The following ABCB11 variants were observed in gnomAD, a reference collection of about 807,000 sequenced individuals.
ABCB11 encodes the protein bile salt export pump.
ABCB11 carries 95 observed loss-of-function variants against 148.0 expected under a neutral mutation model. The observed-to-expected ratio is 0.64, with a 90% confidence interval of 0.54 to 0.76. The LOEUF (loss-of-function observed/expected upper bound fraction) is 0.76, where lower values mean the gene tolerates loss of function less well. ABCB11 is among the 30% of genes least tolerant of loss of function. ABCB11 has a pLI of 0.00. For synonymous variants in ABCB11, 591 were observed against 555.4 expected, an observed-to-expected ratio of 1.06 and a Z score of -0.90; for missense variants, 1,523 against 1,617.8, an observed-to-expected ratio of 0.94 and a Z score of 1.01.
At position 169,014,322 on chromosome 2, in the gene ABCB11, C is replaced by A; in HGVS notation, c.131G>T (p.Arg44Ile). ...TATTACCAATTGAAAGAAGCCAACT[C>A]TAACGCCATCACCTTTCTTCTCATC... ...LQDEKKGDGVRVGFFQLFRFS... is the reference protein window; with the variant it reads ...LQDEKKGDGVIVGFFQLFRFS... Residue 44 changes from arginine (R) to isoleucine (I), a missense_variant, in exon 4 of 28, where the codon AGA becomes ATA. Coordinates refer to ENST00000650372, the MANE Select transcript of ABCB11 (RefSeq NM_003742.4). The A allele has an allele frequency of 6.2e-7, 1 of 1,613,470 alleles. No individual in the cohort carries two copies.
chr2:168,969,132 G>GA (rs1558893780), intron 16 of ABCB11, among the ~76,000 whole-genome samples: 1 of 115,242 alleles, frequency 8.7e-6, no homozygotes, highest in African/African-American at 3.7e-5. Flanking sequence ...AAAAAAAAAA[G>GA]GGGGGGATGG....
intron 5 of ABCB11, among the ~76,000 whole-genome samples, chr2:169,002,494 C>T (rs555358277): frequency 1.1e-4 from 16 of 152,092 alleles, no homozygotes; most frequent in Non-Finnish European, 1.6e-4. Flanking sequence ...AAGATATCTA[C>T]GCTCCCATGC....
In ABCB11 at chr2:169,013,253, A is replaced by C; in HGVS notation, c.389+19T>G. 1.3e-6 allele frequency: 2 copies of C among 1,567,720 alleles called. No homozygotes were observed. Among genetic ancestry groups the C allele is most frequent in the East Asian group, 2.3e-5 (1 of 44,432 alleles). On this transcript the variant is annotated intron_variant, in intron 5 of 27. Transcript: ENST00000650372. ...GATATGAGCAAAAAAGTAAAAAATT[A>C]AAAACAAAAACAACCTACCCACAAC...
At chr2:169,015,014 C>A (rs976446471) in intron 3 of ABCB11, among the ~76,000 whole-genome samples, 2 of 152,088 alleles carry the variant, frequency 1.3e-5, no homozygotes, top group Non-Finnish European at 2.9e-5. Flanking sequence ...CTGTGACTGC[C>A]CATGTACCTC....
intron 5 of ABCB11, among the ~76,000 whole-genome samples, chr2:169,009,419 TC>T (rs1297043034): frequency 1.3e-5 from 2 of 152,044 alleles, no homozygotes; most frequent in Non-Finnish European, 2.9e-5. Flanking sequence ...TGAGTTCATG[TC>T]CTTTGTAGGG....
Position 168,976,574 on chromosome 2 carries a change from C to T in ABCB11, c.1308+3G>A. The stretch of plus-strand genomic sequence containing the variant: ...CTATTCTGGGGAACAGACCAGCACT[C>T]ACCTTCACCTCTGGTCTGGAAGGAT... On this transcript the variant is annotated splice_donor_region_variant and intron_variant, in intron 12 of 27. Transcript: ENST00000650372. The T allele has an allele frequency of 1.3e-6, 2 of 1,543,838 alleles. No individual in the cohort carries two copies. The highest frequency in any genetic ancestry group is 1.8e-6 in the Non-Finnish European group (2 of 1,121,714).
chr2:168,954,209 T>C (rs1692686565), intron 19 of ABCB11, among the ~76,000 whole-genome samples: 1 of 130,250 alleles, frequency 7.7e-6, no homozygotes, highest in Non-Finnish European at 1.7e-5. Context: ...TTTTATAAAT[T>C]GTTTCCCTCT....
At chr2:168,958,150 A>G (rs766315905) in intron 18 of ABCB11, 22 bp from the exon 19 acceptor site, 2 of 1,603,998 alleles carry the variant, frequency 1.2e-6, no homozygotes, top group Non-Finnish European at 8.5e-7. Context: ...AGAGGGTTAT[A>G]TTAATCATCT....
At position 169,013,325 on chromosome 2, in the gene ABCB11, A is replaced by C; in HGVS notation, c.336T>G (p.Ile112Met). 6.2e-7 allele frequency: 1 copy of C among 1,613,860 alleles called. No individual in the cohort carries two copies. The highest frequency in any genetic ancestry group is 8.5e-7 in the Non-Finnish European group (1 of 1,179,774). The change falls in exon 5 of 28, where the codon ATT (isoleucine) becomes ATG (methionine). Residue 112 changes from isoleucine to methionine, a missense_variant. Coordinates refer to ENST00000650372, the MANE Select transcript of ABCB11 (RefSeq NM_003742.4). ...GGTTGAGGGAACTGTTAGTCCATAC[A>C]ATGGTGTTATTCACACATGCTTTTC... The part of the protein sequence containing the change: ...IPGKACVNNT[I>M]VWTNSSLNQN...
At chr2:169,010,940 C>T (rs1019692853) in intron 5 of ABCB11, among the ~76,000 whole-genome samples, 3 of 152,142 alleles carry the variant, frequency 2.0e-5, no homozygotes, top group South Asian at 2.1e-4. Flanking sequence ...TTTGGTATTA[C>T]GTGAATTCAG....
Position 169,014,317 on chromosome 2 carries a change from CA to C in ABCB11, c.135del (p.Gly46AlafsTer16). 6.2e-7 allele frequency: 1 copy of C among 1,613,370 alleles called. No individual in the cohort carries two copies. Among genetic ancestry groups the C allele is most frequent in the Non-Finnish European group, 8.5e-7 (1 of 1,179,546 alleles). On this transcript the variant is annotated frameshift_variant, in exon 4 of 28. Transcript: ENST00000650372. LOFTEE classifies it high-confidence loss of function. ...AGTTTTATTACCAATTGAAAGAAGCCAACTCTAACGCCATCACCTTTCTTCT... is the reference window on the plus strand; with the variant it reads ...AGTTTTATTACCAATTGAAAGAAGCCACTCTAACGCCATCACCTTTCTTCT... Reference protein sequence around the residue: ...QDEKKGDGVRVGFFQLFRFSS... With the variant: ...QDEKKGDGVRXGFFQLFRFSS...
At chr2:168,929,220 A>C (rs928569022) in intron 25 of ABCB11, among the ~76,000 whole-genome samples, 3 of 152,156 alleles carry the variant, frequency 2.0e-5, no homozygotes, top group African/African-American at 7.2e-5. Flanking sequence ...AGGGGGTAAA[A>C]ACTAGAAAAA....
chr2:169,016,446 T>C (rs986871238), intron 3 of ABCB11, among the ~76,000 whole-genome samples: 1 of 152,154 alleles, frequency 6.6e-6, no homozygotes, highest in African/African-American at 2.4e-5. Flanking sequence ...GTCTCTACTC[T>C]TTGCCTGTGG....
At position 168,958,076 on chromosome 2, in the gene ABCB11, A is replaced by G; in HGVS notation, c.2231T>C (p.Ile744Thr). The G allele has an allele frequency of 6.2e-7, 1 of 1,611,312 alleles. No homozygotes were observed. Among genetic ancestry groups the G allele is most frequent in the Non-Finnish European group, 8.5e-7 (1 of 1,178,218 alleles). Reference sequence around the variant, plus strand: ...CCATTCTGGAGCACTGAATTTCAGAATCCTCCTAACTGGGGCAGGTTCAAC... The same window carrying G: ...CCATTCTGGAGCACTGAATTTCAGAGTCCTCCTAACTGGGGCAGGTTCAAC... The part of the protein sequence containing the change: ...EEVEPAPVRR[I>T]LKFSAPEWPY... The change falls in exon 19 of 28, where the codon ATT becomes ACT. Residue 744 changes from isoleucine to threonine, a missense_variant. By Grantham distance (89) the Ile-to-Thr change is moderately conservative. Transcript: ENST00000650372.
intron 2 of ABCB11, among the ~76,000 whole-genome samples, chr2:169,017,737 T>C (rs1337335060): frequency 1.3e-5 from 2 of 152,050 alleles, no homozygotes; most frequent in African/African-American, 4.8e-5. Flanking sequence ...TCAATTATGA[T>C]TAATAATAAC....
At chr2:168,924,278 CATCAG>C (rs1691207075) in intron 27 of ABCB11, among the ~76,000 whole-genome samples, 1 of 152,196 alleles carries the variant, frequency 6.6e-6, no homozygotes, top group Non-Finnish European at 1.5e-5. Context: ...GCAAACCACA[CATCAG>C]ATATCACCTC....
chr2:168,944,614 T>G lies in ABCB11; in HGVS notation c.2601A>C (p.Gln867His), dbSNP rs1692216173. Residue 867 changes from glutamine to histidine, a missense_variant, in exon 21 of 28, where the codon CAA becomes CAC. By Grantham distance (24) the Gln-to-His change is conservative (BLOSUM62 0). Coordinates refer to ENST00000650372, the MANE Select transcript of ABCB11 (RefSeq NM_003742.4). ...LTTRLATDAS[Q>H]VQGAAGSQIG... ...CCCTCCCATAGCTCACCCCTTGAAC[T>G]TGGGAAGCATCTGTAGCAAGTCTTG... 1 of 1,604,634 alleles carries G rather than the reference T, an allele frequency of 6.2e-7. No homozygotes were observed. Among genetic ancestry groups the G allele is most frequent in the Non-Finnish European group, 8.5e-7 (1 of 1,174,692 alleles).
Position 168,923,767 on chromosome 2 carries a change from G to A in ABCB11, c.3821C>T (p.Ala1274Val). The change falls in exon 28 of 28, where the codon GCC becomes GTC. Residue 1274 changes from alanine to valine, a missense_variant. By Grantham distance (64) the Ala-to-Val change is moderately conservative. Transcript: ENST00000650372. ...GTTCTGGATGGTGGACAAGCGATGG[G>A]CAATGACAATGCAGGTCCGACCCTC... ...AREGRTCIVIAHRLSTIQNAD... is the reference protein window; with the variant it reads ...AREGRTCIVIVHRLSTIQNAD... 2 of 1,613,874 alleles carry A rather than the reference G, an allele frequency of 1.2e-6. No homozygotes were observed. The highest frequency in any genetic ancestry group is 1.7e-6 in the Non-Finnish European group (2 of 1,179,880).
intron 1 of ABCB11, among the ~76,000 whole-genome samples, chr2:169,030,688 C>T (rs1695840355): frequency 6.6e-6 from 1 of 151,616 alleles, no homozygotes; most frequent in African/African-American, 2.4e-5. Context: ...AAACTTTCTC[C>T]CCTCTAAACA....
Sources: allele counts gnomAD v4.1 joint callset (sites outside exome capture counted in the v4.1 genomes callset), GRCh38; gene constraint gnomAD v4.1.1; transcripts MANE v1.5; gene names NCBI Gene and HGNC (gene_info 2026-07-23, HGNC 2026-07-21).